Variants in CTNND2 observed in about 807,000 individuals in gnomAD.
CTNND2 encodes catenin delta-2.
In CTNND2, 22 loss-of-function variants were observed where a neutral mutation model predicts 144.4. The observed-to-expected ratio is 0.15, with a 90% CI of 0.11 to 0.22. The LOEUF (loss-of-function observed/expected upper bound fraction) is 0.22. Among genes scored for constraint, CTNND2 ranks in the 10% least tolerant of loss-of-function variants. CTNND2 has a pLI of 1.00. For synonymous variants in CTNND2, 751 were observed against 695.6 expected (o/e 1.08, Z -1.25); for missense variants, 1,353 against 1,618.8 (o/e 0.84, Z 2.82).
intron 11 of CTNND2, among the ~76,000 whole-genome samples, chr5:11,168,184 A>G (rs867617179): frequency 2.6e-5 from 4 of 152,160 alleles, no homozygotes; most frequent in Admixed American, 6.5e-5. Context: ...TCTAAAATGG[A>G]GTATACATAT....
chr5:11,549,218 C>T (rs1159311077), intron 3 of CTNND2, among the ~76,000 whole-genome samples: 1 of 152,122 alleles, frequency 6.6e-6, no homozygotes, highest in African/African-American at 2.4e-5. Context: ...AGCATAAAGA[C>T]TATAGGTTGC....
At chr5:11,258,935 C>T (rs1234447042) in intron 9 of CTNND2, among the ~76,000 whole-genome samples, 1 of 152,140 alleles carries the variant, frequency 6.6e-6, no homozygotes, top group East Asian at 1.9e-4. Context: ...TCATCTATCC[C>T]CAATACATGA....
At chr5:11,581,279 G>C (rs74729755) in intron 2 of CTNND2, among the ~76,000 whole-genome samples, 1 of 151,518 alleles carries the variant, frequency 6.6e-6, no homozygotes, top group Non-Finnish European at 1.5e-5. Context: ...ATTTTTCAGC[G>C]TTTTATGTTC....
chr5:11,828,258 G>T (rs1440661813), intron 1 of CTNND2, among the ~76,000 whole-genome samples: 1 of 152,154 alleles, frequency 6.6e-6, no homozygotes, highest in East Asian at 1.9e-4. Flanking sequence ...GGCCGGGCAT[G>T]GTGGCTCATG....
At chr5:11,829,997 C>T (rs1793810773) in intron 1 of CTNND2, among the ~76,000 whole-genome samples, 1 of 152,222 alleles carries the variant, frequency 6.6e-6, no homozygotes, top group Non-Finnish European at 1.5e-5. Context: ...CATTTTGGAG[C>T]TTTAACATTT....
intron 8 of CTNND2, among the ~76,000 whole-genome samples, chr5:11,361,854 C>G (rs1451748727): frequency 6.6e-6 from 1 of 152,222 alleles, no homozygotes; most frequent in African/African-American, 2.4e-5. Context: ...CAAGTGTTGA[C>G]CCCTTGAAGG....
chr5:11,453,874 T>C (rs994441742), intron 3 of CTNND2, among the ~76,000 whole-genome samples: 1 of 152,218 alleles, frequency 6.6e-6, no homozygotes, highest in East Asian at 1.9e-4. Context: ...AAATCATTTA[T>C]TACACGATAA....
intron 9 of CTNND2, among the ~76,000 whole-genome samples, chr5:11,241,545 TACCCACTAA>T (rs1742451546): frequency 1.3e-5 from 2 of 152,214 alleles, no homozygotes; most frequent in Non-Finnish European, 2.9e-5. Context: ...CTGCAGCAGT[TACCCACTAA>T]GAAAAGACTA....
chr5:11,194,421 C>T (rs1257144172), intron 11 of CTNND2, among the ~76,000 whole-genome samples: 1 of 152,114 alleles, frequency 6.6e-6, no homozygotes, highest in Non-Finnish European at 1.5e-5. Flanking sequence ...AGAAGAATCT[C>T]CACAGAGATG....
At chr5:11,855,661 A>G (rs567901589) in intron 1 of CTNND2, among the ~76,000 whole-genome samples, 4 of 152,310 alleles carry the variant, frequency 2.6e-5, no homozygotes, top group African/African-American at 9.6e-5. Flanking sequence ...GAACTCAGTC[A>G]CTTTAGAATA....
intron 13 of CTNND2, among the ~76,000 whole-genome samples, chr5:11,115,714 G>A (rs1311360988): frequency 6.6e-6 from 1 of 152,198 alleles, no homozygotes; most frequent in Non-Finnish European, 1.5e-5. Flanking sequence ...GTGAATGGAT[G>A]TGAACCTAAC....
intron 1 of CTNND2, among the ~76,000 whole-genome samples, chr5:11,741,733 CTT>C (rs1450156295): frequency 1.4e-5 from 2 of 147,554 alleles, no homozygotes; most frequent in African/African-American, 5.0e-5. Flanking sequence ...AATAAATTGT[CTT>C]ATATATTATA....
chr5:11,128,831 T>C lies in CTNND2; in HGVS notation c.2160-11264A>G. ...CAATATATATAATATATATTATATA[T>C]TATATTAAGTATATAATATATATAA... On this transcript the variant is annotated intron_variant, in intron 12 of 21. Coordinates refer to ENST00000304623, the MANE Select transcript of CTNND2 (RefSeq NM_001332.4). 4.3e-5 allele frequency among the ~76,000 whole-genome samples: 3 copies of C among 69,690 alleles called. 1 individual carries two copies. Among genetic ancestry groups the C allele is most frequent in the Non-Finnish European group, 8.1e-5 (3 of 36,830 alleles). 45.7% of individuals were successfully genotyped at this position (69,690 alleles called of 152,430 possible). A position where few individuals can be genotyped will look rare whatever the true frequency, so the allele number is the denominator to read the frequency against.
intron 1 of CTNND2, among the ~76,000 whole-genome samples, chr5:11,770,860 G>A (rs1789892564): frequency 6.6e-6 from 1 of 152,168 alleles, no homozygotes; most frequent in Admixed American, 6.5e-5. Flanking sequence ...GACTTGGGGT[G>A]AGAAGAGAGA....
intron 18 of CTNND2, among the ~76,000 whole-genome samples, chr5:10,996,611 T>C (rs1430837809): frequency 2.0e-5 from 3 of 152,078 alleles, no homozygotes; most frequent in Non-Finnish European, 4.4e-5. Flanking sequence ...TTATTTATTT[T>C]TCTTTTGAGA....
At chr5:11,349,436 G>C (rs983317102) in intron 8 of CTNND2, among the ~76,000 whole-genome samples, 5 of 152,144 alleles carry the variant, frequency 3.3e-5, no homozygotes, top group African/African-American at 1.2e-4. Context: ...GGCTCAGAGA[G>C]ATTAAGAAAC....
chr5:11,158,608 G>C (rs1758454877), intron 12 of CTNND2, among the ~76,000 whole-genome samples: 1 of 152,140 alleles, frequency 6.6e-6, no homozygotes, highest in Admixed American at 6.5e-5. Context: ...TGGAGGCTGA[G>C]AGCATTGGGA....
At chr5:11,522,379 C>T (rs1403894505) in intron 3 of CTNND2, among the ~76,000 whole-genome samples, 3 of 152,158 alleles carry the variant, frequency 2.0e-5, no homozygotes, top group African/African-American at 7.2e-5. Context: ...TCATCTGAAA[C>T]CTGTCAGTTC....
chr5:11,011,163 G>T (rs1741038039), intron 18 of CTNND2, among the ~76,000 whole-genome samples: 1 of 152,176 alleles, frequency 6.6e-6, no homozygotes, highest in Non-Finnish European at 1.5e-5. Context: ...TCTGACGTCT[G>T]ATCTACCTGT....
Sources: gnomAD v4.1 joint callset for allele counts (sites outside exome capture counted in the v4.1 genomes callset) on GRCh38, gnomAD v4.1.1 for gene constraint, MANE v1.5 for transcripts, NCBI Gene and HGNC (gene_info 2026-07-23, HGNC 2026-07-21) for gene names.